Variants in CDH4 observed in about 807,000 individuals in gnomAD.
The protein encoded by CDH4 is cadherin 4, also known as cadherin-4.
CDH4 carries 33 observed loss-of-function variants against 86.0 expected under a neutral mutation model. The ratio of observed to expected loss-of-function variants is 0.38; its 90% confidence interval spans 0.29 to 0.51. CDH4 has a LOEUF of 0.51. Among genes scored for constraint, CDH4 ranks in the 20% least tolerant of loss-of-function variants. The pLI is 0.86. For synonymous variants in CDH4, 555 were observed against 549.4 expected (o/e 1.01, Z -0.14); for missense variants, 1,114 against 1,307.4 (o/e 0.85, Z 2.28).
chr20:61,848,976 A>T (rs1298737944), intron 5 of CDH4, among the ~76,000 whole-genome samples: 1 of 151,970 alleles, frequency 6.6e-6, no homozygotes, highest in African/African-American at 2.4e-5. Context: ...GGAGATCATT[A>T]GTTTTATCAT....
At chr20:61,585,634 A>G (rs935264928) in intron 2 of CDH4, among the ~76,000 whole-genome samples, 6 of 151,858 alleles carry the variant, frequency 4.0e-5, no homozygotes, top group Non-Finnish European at 5.9e-5. Context: ...CATGACGGTG[A>G]TGGTGATGAT....
At chr20:61,526,479 GTT>G (rs113473143) in intron 2 of CDH4, among the ~76,000 whole-genome samples, 24 of 150,318 alleles carry the variant, frequency 1.6e-4, no homozygotes, top group Non-Finnish European at 3.3e-4. Context: ...TCCCTGGCTT[GTT>G]TTTTTTTCTT....
chr20:61,468,137 T>A (rs1002289754), intron 2 of CDH4, among the ~76,000 whole-genome samples: 2 of 152,218 alleles, frequency 1.3e-5, no homozygotes, highest in Non-Finnish European at 1.5e-5. Context: ...GGGTGATTGA[T>A]TGCCCATGTG....
intron 6 of CDH4, among the ~76,000 whole-genome samples, chr20:61,863,750 C>T (rs563969854): frequency 2.6e-5 from 4 of 152,266 alleles, no homozygotes; most frequent in East Asian, 1.9e-4. Flanking sequence ...GAGGAGGAGC[C>T]GAGGCTCCCG....
chr20:61,685,493 T>C (rs564142165), intron 2 of CDH4, among the ~76,000 whole-genome samples: 48 of 152,310 alleles, frequency 3.2e-4, no homozygotes, highest in African/African-American at 1.1e-3. Context: ...GAGTGCCTGC[T>C]CTCATCAGTC....
At chr20:61,755,781 CCACA>C (rs752901844) in intron 3 of CDH4, among the ~76,000 whole-genome samples, 17 of 151,670 alleles carry the variant, frequency 1.1e-4, no homozygotes, top group East Asian at 3.9e-4. Flanking sequence ...CATATACACA[CCACA>C]CACACACACC....
chr20:61,376,772 A>G (rs931278877), intron 2 of CDH4, among the ~76,000 whole-genome samples: 1 of 152,182 alleles, frequency 6.6e-6, no homozygotes, highest in Non-Finnish European at 1.5e-5. Flanking sequence ...TCACATTCCC[A>G]TGCTACAGGT....
chr20:61,600,074 CG>C lies in CDH4; in HGVS notation c.170-143485del, dbSNP rs1386618346. On this transcript the variant is annotated intron_variant, in intron 2 of 15. Coordinates refer to ENST00000614565, the MANE Select transcript of CDH4 (RefSeq NM_001794.5). The stretch of plus-strand genomic sequence containing the variant: ...TATTTGAACAGACTGTCTGACTCTC[CG>C]GGGATGGTTTTCAAAACCAGCTGGC... 1.2e-5 allele frequency: 7 copies of C among 569,826 alleles called. No individual in the cohort carries two copies. The South Asian group carries it at 3.8e-4, about 31-fold the overall frequency. The allele number at this position is 569,826 out of a possible 1,614,324, so 35.3% of individuals were successfully genotyped here. A position where few individuals can be genotyped will look rare whatever the true frequency, so the allele number is the denominator to read the frequency against.
At chr20:61,382,656 C>A (rs6121652) in intron 2 of CDH4, among the ~76,000 whole-genome samples, 37,451 of 152,060 alleles carry the variant, frequency 0.25, 5,000 homozygotes, top group African/African-American at 0.34. Context: ...CTGAAGCTTC[C>A]GGGGAGGCCC....
At chr20:61,448,225 C>G (rs367705787) in intron 2 of CDH4, among the ~76,000 whole-genome samples, 1 of 152,236 alleles carries the variant, frequency 6.6e-6, no homozygotes, top group Non-Finnish European at 1.5e-5. Context: ...CCAGGAATCA[C>G]GGACAGCTGG....
At chr20:61,549,080 G>T (rs1219760195) in intron 2 of CDH4, among the ~76,000 whole-genome samples, 2 of 152,116 alleles carry the variant, frequency 1.3e-5, no homozygotes, top group Admixed American at 6.5e-5. Context: ...TCTGTGTCTT[G>T]CCACATCTCC....
intron 3 of CDH4, among the ~76,000 whole-genome samples, chr20:61,765,934 G>A (rs931501643): frequency 4.6e-5 from 7 of 152,002 alleles, no homozygotes; most frequent in African/African-American, 9.7e-5. Context: ...GTGGAATGCC[G>A]GACTCTGATT....
intron 13 of CDH4, among the ~76,000 whole-genome samples, chr20:61,931,698 G>A (rs934871477): frequency 1.3e-5 from 2 of 152,280 alleles, no homozygotes; most frequent in South Asian, 2.1e-4. Flanking sequence ...CTTTGCAGAT[G>A]GGTGCGCCAG....
chr20:61,818,724 C>A (rs569631617), intron 4 of CDH4, among the ~76,000 whole-genome samples: 1 of 151,262 alleles, frequency 6.6e-6, no homozygotes, highest in Non-Finnish European at 1.5e-5. Flanking sequence ...TTGCTCTCCG[C>A]GTCTTGTATG....
intron 2 of CDH4, among the ~76,000 whole-genome samples, chr20:61,588,831 A>T (rs1168503823): frequency 2.6e-5 from 4 of 152,060 alleles, no homozygotes; most frequent in Non-Finnish European, 4.4e-5. Flanking sequence ...TTTCCAACTG[A>T]TGTATTTCAT....
At chr20:61,273,441 A>G (rs1273949199) in intron 2 of CDH4, among the ~76,000 whole-genome samples, 16 of 51,156 alleles carry the variant, frequency 3.1e-4, no homozygotes, top group African/African-American at 1.0e-3. Context: ...GGGGAGGACC[A>G]TGTGCAGTTT....
At chr20:61,824,320 G>A (rs1021558929) in intron 4 of CDH4, among the ~76,000 whole-genome samples, 5 of 151,124 alleles carry the variant, frequency 3.3e-5, no homozygotes, top group Non-Finnish European at 5.9e-5. Context: ...GGCTTGAGAT[G>A]AGTGTTGGCT....
At chr20:61,563,198 C>A (rs1184846594) in intron 2 of CDH4, among the ~76,000 whole-genome samples, 2 of 152,270 alleles carry the variant, frequency 1.3e-5, no homozygotes, top group Non-Finnish European at 2.9e-5. Flanking sequence ...TGGCACTGCC[C>A]AGCGGCAGCT....
chr20:61,746,146 G>A lies in CDH4; in HGVS notation c.396+2357G>A, dbSNP rs1463970938. On this transcript the variant is annotated intron_variant, in intron 3 of 15. Coordinates refer to ENST00000614565, the MANE Select transcript of CDH4 (RefSeq NM_001794.5). Reference sequence around the variant, plus strand: ...CCCCCAAATCGTGAGCCCCACCTGTGAGTCCGGCGTATGTCGTTTTCGTAC... The same window carrying A: ...CCCCCAAATCGTGAGCCCCACCTGTAAGTCCGGCGTATGTCGTTTTCGTAC... Among the ~76,000 whole-genome samples the A allele has an allele frequency of 6.6e-5, 10 of 152,112 alleles. No homozygotes were observed. The South Asian group carries it at 8.3e-4, about 13-fold the overall frequency.
Sources: gnomAD v4.1 joint callset for allele counts (sites outside exome capture counted in the v4.1 genomes callset) on GRCh38, gnomAD v4.1.1 for gene constraint, MANE v1.5 for transcripts, NCBI Gene and HGNC (gene_info 2026-07-23, HGNC 2026-07-21) for gene names.